The following AKAP12 variants were observed in gnomAD, a reference collection of about 807,000 sequenced individuals.
AKAP12 encodes the protein A-kinase anchor protein 12.
In AKAP12, 32 loss-of-function variants were observed where a neutral mutation model predicts 79.9. The ratio of observed to expected loss-of-function variants is 0.40; its 90% CI spans 0.30 to 0.54. The LOEUF (loss-of-function observed/expected upper bound fraction) is 0.54. AKAP12 is among the 20% of genes least tolerant of loss of function. AKAP12 has a pLI of 0.48. For synonymous variants in AKAP12, 808 were observed against 857.0 expected (o/e 0.94, Z 1.00); for missense variants, 2,074 against 2,177.0 (o/e 0.95, Z 0.94).
chr6:151,340,987 G>A (rs1329402316), intron 3 of AKAP12, among the ~76,000 whole-genome samples: 1 of 152,006 alleles, frequency 6.6e-6, no homozygotes, highest in African/African-American at 2.4e-5. Context: ...CTGATCACTT[G>A]GTTAAAGTGG....
At position 151,350,027 on chromosome 6, in the gene AKAP12, G is replaced by A. The variant is rs772910903; in HGVS notation, c.1636G>A (p.Glu546Lys). 5 of 1,614,060 alleles carry A rather than the reference G, an allele frequency of 3.1e-6. No homozygotes were observed. Among genetic ancestry groups the A allele is most frequent in the Non-Finnish European group, 4.2e-6 (5 of 1,180,014 alleles). ...AGGAGGAGGAGACGAGGAATCAGGG[G>A]AGCACACTCAGGTTCCAGCCGATTC... ...KRGGGDEESG[E>K]HTQVPADSPD... Residue 546 changes from glutamate to lysine, a missense_variant, in exon 4 of 5, where the codon GAG becomes AAG. Physicochemically the swap from Glu to Lys is moderately conservative, Grantham distance 56 (BLOSUM62 1). Transcript: ENST00000402676. The surrounding 1 kb of genome is among the most constrained non-coding windows in gnomAD (Gnocchi z 4.8).
chr6:151,240,746 T>G (rs1388692541), intron 2 of AKAP12, 22 bp downstream of exon 2: 386 of 621,586 alleles, frequency 6.2e-4, no homozygotes, highest in Non-Finnish European at 6.8e-4. Context: ...CCGGGCCACC[T>G]GCGCCGGGAG....
chr6:151,255,938 G>A (rs984935896), intron 2 of AKAP12, among the ~76,000 whole-genome samples: 3 of 150,976 alleles, frequency 2.0e-5, no homozygotes, highest in Non-Finnish European at 4.4e-5. Flanking sequence ...GCACTGCAGG[G>A]GACCCAGCTG....
intron 3 of AKAP12, among the ~76,000 whole-genome samples, chr6:151,332,481 C>T (rs1254727959): frequency 2.0e-5 from 3 of 152,118 alleles, no homozygotes; most frequent in Non-Finnish European, 2.9e-5. Flanking sequence ...CATATTGACC[C>T]TGTCTCACAC....
chr6:151,274,073 GTTC>G (rs1280324952), intron 2 of AKAP12, among the ~76,000 whole-genome samples: 1 of 147,720 alleles, frequency 6.8e-6, no homozygotes, highest in African/African-American at 2.5e-5. Context: ...GTTTCCCTCA[GTTC>G]TTTTTTTTTT....
intron 3 of AKAP12, among the ~76,000 whole-genome samples, chr6:151,312,313 G>A (rs1304795077): frequency 3.3e-5 from 5 of 151,192 alleles, no homozygotes; most frequent in East Asian, 2.0e-4. Flanking sequence ...CTCTACGAAC[G>A]TTTAAAAAAA....
chr6:151,308,820 T>A (rs1777030116), intron 3 of AKAP12, among the ~76,000 whole-genome samples: 3 of 152,210 alleles, frequency 2.0e-5, no homozygotes, highest in African/African-American at 7.2e-5. Flanking sequence ...CGTGTTAACT[T>A]ATTAAACAGC....
intron 2 of AKAP12, among the ~76,000 whole-genome samples, chr6:151,281,123 A>G (rs1317993036): frequency 6.6e-6 from 1 of 152,142 alleles, no homozygotes; most frequent in African/African-American, 2.4e-5. Context: ...TGCAAAGTAG[A>G]AGGGGCATGT....
chr6:151,279,459 A>G (rs777425597), intron 2 of AKAP12, among the ~76,000 whole-genome samples: 38 of 152,120 alleles, frequency 2.5e-4, no homozygotes, highest in Non-Finnish European at 3.5e-4. Context: ...TGGTGAGTGT[A>G]TTTATATACA....
intron 3 of AKAP12, chr6:151,341,609 C>A: frequency 1.2e-6 from 1 of 827,276 alleles, no homozygotes; most frequent in Non-Finnish European, 1.5e-6. Flanking sequence ...CAGGGGCGCG[C>A]TGGGCCTCAC....
intron 3 of AKAP12, among the ~76,000 whole-genome samples, chr6:151,334,613 G>T (rs1346890984): frequency 7.4e-6 from 1 of 134,524 alleles, no homozygotes; most frequent in African/African-American, 3.1e-5. Flanking sequence ...AAAAAAGAGT[G>T]CATCTCAACT....
chr6:151,340,345 T>G (rs1339515970), intron 3 of AKAP12, among the ~76,000 whole-genome samples: 1 of 152,066 alleles, frequency 6.6e-6, no homozygotes, highest in African/African-American at 2.4e-5. Context: ...TTGGCAATTA[T>G]GCATAAAGTT....
At chr6:151,311,064 C>T (rs948423937) in intron 3 of AKAP12, among the ~76,000 whole-genome samples, 5 of 152,144 alleles carry the variant, frequency 3.3e-5, no homozygotes. Flanking sequence ...AACTTCTGGG[C>T]ACATGTGATC....
rs768842346 is a variant in AKAP12, at chr6:151,351,672, T to G, written c.3281T>G (p.Leu1094Trp). Residue 1094 changes from leucine to tryptophan, a missense_variant, in exon 4 of 5, where the codon TTG (leucine) becomes TGG (tryptophan). By Grantham distance (61) the Leu-to-Trp change is moderately conservative. Around this residue, in one of 3 missense-constraint regions of AKAP12, gnomAD observed 1,428 missense variants for 1,451.0 expected, o/e 0.98. Transcript: ENST00000402676. This position sits in a 1 kb window ranked among gnomAD's most constrained non-coding sequence, Gnocchi z 4.4. ...CTGAAGAAAGAGACGGATGTAGTGT[T>G]GAAAGTAGATGCTCAGGAGGCAAAA... ...SGLKKETDVV[L>W]KVDAQEAKTE... The G allele has an allele frequency of 6.2e-7, 1 of 1,614,076 alleles. No individual in the cohort carries two copies. Among genetic ancestry groups the G allele is most frequent in the Admixed American group, 1.7e-5 (1 of 60,010 alleles).
At chr6:151,257,881 G>A (rs1027097876) in intron 2 of AKAP12, among the ~76,000 whole-genome samples, 16 of 152,148 alleles carry the variant, frequency 1.1e-4, no homozygotes, top group Admixed American at 2.6e-4. Context: ...TAGAAAATGA[G>A]GATAAGTAAA....
chr6:151,351,287 G>C lies in AKAP12; in HGVS notation c.2896G>C (p.Val966Leu). Residue 966 changes from valine (V) to leucine (L), a missense_variant, in exon 4 of 5, where the codon GTT (valine) becomes CTT (leucine). By Grantham distance (32) the Val-to-Leu change is conservative. This residue lies in a region of AKAP12 where 1,428 missense variants were observed against 1,451.0 expected (regional missense o/e 0.98). Coordinates refer to ENST00000402676, the MANE Select transcript of AKAP12 (RefSeq NM_005100.4). This position sits in a 1 kb window ranked among gnomAD's most constrained non-coding sequence, Gnocchi z 4.4. ...ENREARGDTV[V>L]SEAELTPEAV... ...CAGAGAGGCCCGGGGCGACACGGTC[G>C]TTAGTGAGGCGGAATTGACCCCCGA... The C allele has an allele frequency of 1.2e-6, 2 of 1,614,192 alleles. No individual in the cohort carries two copies. The highest frequency in any genetic ancestry group is 2.2e-5 in the East Asian group (1 of 44,876).
intron 3 of AKAP12, among the ~76,000 whole-genome samples, chr6:151,307,184 T>A (rs1400335176): frequency 6.6e-6 from 1 of 152,240 alleles, no homozygotes; most frequent in East Asian, 1.9e-4. Context: ...CAACACTTTA[T>A]GTGCTTTTAT....
Position 151,353,036 on chromosome 6 carries a change from C to T in AKAP12, c.4645C>T (p.Leu1549Phe). 6.2e-7 allele frequency: 1 copy of T among 1,614,200 alleles called. No individual in the cohort carries two copies. The highest frequency in any genetic ancestry group is 1.3e-5 in the African/African-American group (1 of 75,048). Residue 1549 changes from leucine (L) to phenylalanine (F), a missense_variant, in exon 4 of 5, where the codon CTT (leucine) becomes TTT (phenylalanine). Leu to Phe is a conservative substitution (Grantham distance 22, BLOSUM62 0). Around this residue, in one of 3 missense-constraint regions of AKAP12, gnomAD observed 614 missense variants for 665.6 expected, o/e 0.92. Coordinates refer to ENST00000402676, the MANE Select transcript of AKAP12 (RefSeq NM_005100.4). ...ILELETKSSKLVQNIIQTAVD... is the reference protein window; with the variant it reads ...ILELETKSSKFVQNIIQTAVD... ...GGAACTTGAGACCAAAAGCAGTAAA[C>T]TTGTCCAAAACATCATCCAGACAGC...
rs1303327962 is a variant in AKAP12, at chr6:151,332,033, G to GTTGTTTTTGTTTTT, written c.320-16676_320-16675insGTTTTTGTTTTTTT. ...GAGTAGCACGTCCAGTTCTGGGTCT[G>GTTGTTTTTGTTTTT]TTTTTTTTTTTTTTTTTTTTTGAGA... On this transcript the variant is annotated intron_variant, in intron 3 of 4. Coordinates refer to ENST00000402676, the MANE Select transcript of AKAP12 (RefSeq NM_005100.4). Among the ~76,000 whole-genome samples the GTTGTTTTTGTTTTT allele has an allele frequency of 1.4e-3, 108 of 79,632 alleles. 17 individuals are homozygous for GTTGTTTTTGTTTTT. The highest frequency in any genetic ancestry group is 2.9e-3 in the African/African-American group (54 of 18,414). The allele number at this position is 79,632 out of a possible 152,430, so 52.2% of individuals were successfully genotyped here.
Sources: gnomAD v4.1 joint callset for allele counts (sites outside exome capture counted in the v4.1 genomes callset) on GRCh38, gnomAD v4.1.1 for gene constraint, gnomAD v4.1.1 regional missense constraint, Gnocchi (gnomAD v3.1) non-coding constraint, MANE v1.5 for transcripts, NCBI Gene and HGNC (gene_info 2026-07-23, HGNC 2026-07-21) for gene names.